Variants in KRT6C observed in about 807,000 individuals in gnomAD.
KRT6C encodes the protein keratin, type II cytoskeletal 6C.
Under a neutral mutation model 49.4 loss-of-function variants are expected in KRT6C, and 46 were observed. That is an observed-to-expected ratio of 0.93 (90% CI 0.74 to 1.19). KRT6C has a LOEUF of 1.19. Among genes scored for constraint, KRT6C ranks in the 50% most tolerant of loss-of-function variants. KRT6C has a pLI of 0.00. For missense variants in KRT6C, 552 were observed against 737.5 expected, an observed-to-expected ratio of 0.75 and a Z score of 2.91; for synonymous variants, 236 against 297.1, an observed-to-expected ratio of 0.79 and a Z score of 2.12.
Position 52,473,746 on chromosome 12 carries a change from G to A in KRT6C, c.-9C>T. 1 of 1,614,114 alleles carries A rather than the reference G, an allele frequency of 6.2e-7. No individual in the cohort carries two copies. Among genetic ancestry groups the A allele is most frequent in the Non-Finnish European group, 8.5e-7 (1 of 1,180,038 alleles). On this transcript the variant is annotated 5_prime_UTR_variant, in exon 1 of 9. Transcript: ENST00000252250. ...GTGGATGTGCTGGCCATGGTTCCAG[G>A]AGATGAGAGGGCTGTGGCGAGCGTT...
chr12:52,471,457 T>C lies in KRT6C; in HGVS notation c.876A>G (p.Thr292=), dbSNP rs374128835. 1 of 1,613,970 alleles carries C rather than the reference T, an allele frequency of 6.2e-7. No homozygotes were observed. Among genetic ancestry groups the C allele is most frequent in the Non-Finnish European group, 8.5e-7 (1 of 1,179,888 alleles). ...AGGCTCTCAGGAAGTTGATCTCATC[T>C]GTGAGAGTGTCTGCCTTGGCTTGCA... ...VELQAKADTL[T]DEINFLRALY... Residue 292 remains threonine, a synonymous_variant, in exon 4 of 9, where the codon ACA becomes ACG. Transcript: ENST00000252250.
rs1409559573 is a variant in KRT6C, at chr12:52,473,452, C to G, written c.286G>C (p.Ala96Pro). 2.2e-6 allele frequency: 3 copies of G among 1,390,728 alleles called. No individual in the cohort carries two copies. The highest frequency in any genetic ancestry group is 4.1e-5 in the Admixed American group (2 of 48,606). The allele number at this position is 1,390,728 out of a possible 1,614,324, so 86.1% of individuals were successfully genotyped here. The change falls in exon 1 of 9, where the codon GCC (alanine) becomes CCC (proline). Residue 96 changes from alanine to proline, a missense_variant. By Grantham distance (27) the Ala-to-Pro change is conservative. Transcript: ENST00000252250. ...RAGGSYGFGG[A>P]GSGFGFGGGA... ...CCACCGAAACCAAATCCACTCCCGG[C>G]GCCACCAAAGCCATAGCTGCCTCCG...
rs1937820527 is a variant in KRT6C at position 52,468,956 on chromosome 12, G to T, written c.*106C>A. ...CATCCATACCCAGCTCTACCTCGGA[G>T]AGCAGGGAAGACTAGAGGCCAGGAG... On this transcript the variant is annotated 3_prime_UTR_variant, in exon 9 of 9. Coordinates refer to ENST00000252250, the MANE Select transcript of KRT6C (RefSeq NM_173086.5). 6.9e-7 allele frequency: 1 copy of T among 1,441,448 alleles called. No individual in the cohort carries two copies. The highest frequency in any genetic ancestry group is 1.8e-5 in the Admixed American group (1 of 55,644). 89.3% of individuals were successfully genotyped at this position (1,441,448 alleles called of 1,614,324 possible). A position where few individuals can be genotyped will look rare whatever the true frequency, so the allele number is the denominator to read the frequency against.
rs1937843259 is a variant in KRT6C at position 52,469,874 on chromosome 12, G to A, written c.1220C>T (p.Ala407Val). ...ACGCTGCTCAGCATCAGCAATGGCA[G>A]CCTGCAGGCTGGCACACTAGGAGGG... Reference protein sequence around the residue: ...HVKKQCASLQAAIADAEQRGE... With the variant: ...HVKKQCASLQVAIADAEQRGE... The change falls in exon 7 of 9, where the codon GCT becomes GTT. Residue 407 changes from alanine to valine, a missense_variant. Ala to Val is a moderately conservative substitution (Grantham distance 64). Transcript: ENST00000252250. The A allele has an allele frequency of 6.2e-7, 1 of 1,614,126 alleles. No homozygotes were observed. The highest frequency in any genetic ancestry group is 1.3e-5 in the African/African-American group (1 of 75,040).
At position 52,470,983 on chromosome 12, in the gene KRT6C, C is replaced by T. The variant is rs116566654; in HGVS notation, c.1077+149G>A. 1.1e-4 allele frequency: 159 copies of T among 1,420,808 alleles called. No individual in the cohort carries two copies. The African/African-American group carries it at 1.6e-3, about 14-fold the overall frequency. The allele number at this position is 1,420,808 out of a possible 1,614,324, so 88.0% of individuals were successfully genotyped here. A position where few individuals can be genotyped will look rare whatever the true frequency, so the allele number is the denominator to read the frequency against. ...TCCTCCTTGACTTGCACATAAGTTC[C>T]CCAAATGTCTACTCTAATAGTGCAG... On this transcript the variant is annotated intron_variant, in intron 5 of 8. Coordinates refer to ENST00000252250, the MANE Select transcript of KRT6C (RefSeq NM_173086.5).
intron 5 of KRT6C, 44 bp downstream of exon 5, chr12:52,471,088 G>C (rs1268462792): frequency 1.2e-6 from 2 of 1,614,040 alleles, no homozygotes; most frequent in Non-Finnish European, 1.7e-6. Flanking sequence ...GGTATTCCAG[G>C]ATGGACACAA....
rs1297323837 is a variant in KRT6C, at chr12:52,472,685, T to C, written c.541-405A>G. On this transcript the variant is annotated intron_variant, in intron 1 of 8. Coordinates refer to ENST00000252250, the MANE Select transcript of KRT6C (RefSeq NM_173086.5). ...GATTACATTTCAGTCTACTTTCCCA[T>C]TTAGTGTCTCCTCTCAAATATTCTG... is the stretch of plus-strand genomic sequence containing the variant. 1.5e-5 allele frequency among the ~76,000 whole-genome samples: 2 copies of C among 135,836 alleles called. 1 individual carries two copies. 89.1% of individuals were successfully genotyped at this position (135,836 alleles called of 152,430 possible).
At chr12:52,471,867 A>G in intron 2 of KRT6C, 135 bp from the exon 3 acceptor site, 1 of 1,375,852 alleles carries the variant, frequency 7.3e-7, no homozygotes, top group Non-Finnish European at 1.0e-6. Flanking sequence ...CAAAGAGATG[A>G]GTTTTGCTAC....
rs1298775727 is a variant in KRT6C, at chr12:52,471,701, C to A, written c.787G>T (p.Ala263Ser). ...TTCAGAGTCACAAATTCATTCTCTGCTGCTGTGCGCTTGTTGATTTCATCC... is the reference window on the plus strand; with the variant it reads ...TTCAGAGTCACAAATTCATTCTCTGATGCTGTGCGCTTGTTGATTTCATCC... Reference protein sequence around the residue: ...YEDEINKRTAAENEFVTLKKD... With the variant: ...YEDEINKRTASENEFVTLKKD... The change falls in exon 3 of 9, where the codon GCA (alanine) becomes TCA (serine). Residue 263 changes from alanine (A) to serine (S), a missense_variant. By Grantham distance (99) the Ala-to-Ser change is moderately conservative. Coordinates refer to ENST00000252250, the MANE Select transcript of KRT6C (RefSeq NM_173086.5). 4 of 1,613,570 alleles carry A rather than the reference C, an allele frequency of 2.5e-6. No individual in the cohort carries two copies. The South Asian group carries it at 4.4e-5, about 18-fold the overall frequency.
chr12:52,469,144 C>T lies in KRT6C; in HGVS notation c.1613G>A (p.Gly538Asp). Reference sequence around the variant, plus strand: ...ACTGCCGCCTCCAACAGAGCTGAGGCCACCCCCAATGGCTCTGCCACTGCT... The same window carrying T: ...ACTGCCGCCTCCAACAGAGCTGAGGTCACCCCCAATGGCTCTGCCACTGCT... Reference protein sequence around the residue: ...SSSSGRAIGGGLSSVGGGSST... With the variant: ...SSSSGRAIGGDLSSVGGGSST... Residue 538 changes from glycine (G) to aspartate (D), a missense_variant, in exon 9 of 9, where the codon GGC becomes GAC. This residue lies in a region of KRT6C where 425 missense variants were observed against 439.4 expected (regional missense o/e 0.97). Coordinates refer to ENST00000252250, the MANE Select transcript of KRT6C (RefSeq NM_173086.5). 6.2e-7 allele frequency: 1 copy of T among 1,614,032 alleles called. No individual in the cohort carries two copies. The highest frequency in any genetic ancestry group is 8.5e-7 in the Non-Finnish European group (1 of 1,179,906).
In KRT6C at chr12:52,469,285, G is replaced by T. The variant is rs1359953482; in HGVS notation, c.1472C>A (p.Ser491Tyr). The T allele has an allele frequency of 6.2e-7, 1 of 1,613,996 alleles. No individual in the cohort carries two copies. Among genetic ancestry groups the T allele is most frequent in the South Asian group, 1.1e-5 (1 of 91,074 alleles). The change falls in exon 9 of 9, where the codon TCC (serine) becomes TAC (tyrosine). Residue 491 changes from serine to tyrosine, a missense_variant. This residue lies in a region of KRT6C where 425 missense variants were observed against 439.4 expected (regional missense o/e 0.97). Transcript: ENST00000252250. ...ACCGCCATAGCCACTGGAGATGGTG[G>T]ACTGTACTACAGCTGTGGTGGGGAG... is the stretch of plus-strand genomic sequence containing the variant. ...VGQVNVSVVQ[S>Y]TISSGYGGAS...
rs372187804 is a variant in KRT6C, at chr12:52,473,261, C to T, written c.477G>A (p.Val159=). The part of the protein sequence containing the change: ...NLQIDPAIQR[V]RAEEREQIKT... Reference sequence around the variant, plus strand: ...TGATCTGCTCACGCTCCTCGGCCCGCACCCGCTGGATGGCGGGGTCAATTT... The same window carrying T: ...TGATCTGCTCACGCTCCTCGGCCCGTACCCGCTGGATGGCGGGGTCAATTT... Residue 159 remains valine (V), a synonymous_variant, in exon 1 of 9, where the codon GTG becomes GTA. Coordinates refer to ENST00000252250, the MANE Select transcript of KRT6C (RefSeq NM_173086.5). The T allele has an allele frequency of 2.2e-5, 34 of 1,548,550 alleles. No individual in the cohort carries two copies. The highest frequency in any genetic ancestry group is 3.0e-5 in the Non-Finnish European group (34 of 1,130,014).
At position 52,470,649 on chromosome 12, in the gene KRT6C, G is replaced by C. The variant is rs375165852; in HGVS notation, c.1078-19C>G. 1.8e-5 allele frequency: 29 copies of C among 1,613,818 alleles called. No homozygotes were observed. Among genetic ancestry groups the C allele is most frequent in the Non-Finnish European group, 2.4e-5 (28 of 1,179,886 alleles). ...CCTCGTACTGCAGCCCAGAGGTGGA[G>C]AGAGAGACAGTGTCTACGGGTTCTT... On this transcript the variant is annotated intron_variant, in intron 5 of 8. Coordinates refer to ENST00000252250, the MANE Select transcript of KRT6C (RefSeq NM_173086.5).
Position 52,472,149 on chromosome 12 carries a change from C to T in KRT6C, c.672G>A (p.Gln224=). 6.6e-7 allele frequency: 1 copy of T among 1,523,160 alleles called. No individual in the cohort carries two copies. The highest frequency in any genetic ancestry group is 1.7e-5 in the Admixed American group (1 of 58,060). 94.4% of individuals were successfully genotyped at this position (1,523,160 alleles called of 1,614,324 possible). A position where few individuals can be genotyped will look rare whatever the true frequency, so the allele number is the denominator to read the frequency against. Residue 224 remains glutamine (Q), a synonymous_variant, in exon 2 of 9, where the codon CAG becomes CAA. Transcript: ENST00000252250. ...CCCGTTCCCCGACGATGCTGTCCAG[C>T]TGCCTCCTGAGGTTGTTGATGTACT... ...FEQYINNLRR[Q]LDSIVGERGR... is the part of the protein sequence containing the mutation.
At position 52,469,263 on chromosome 12, in the gene KRT6C, G is replaced by A. The variant is rs371711981; in HGVS notation, c.1494C>T (p.Gly498=). The change falls in exon 9 of 9, where the codon GGC becomes GGT. Residue 498 remains glycine (G), a synonymous_variant. Transcript: ENST00000252250. The stretch of plus-strand genomic sequence containing the variant: ...AGCCACTGCCGACACCGCTGGCACC[G>A]CCATAGCCACTGGAGATGGTGGACT... ...VVQSTISSGY[G]GASGVGSGLG... is the part of the protein sequence containing the mutation. 5.6e-6 allele frequency: 9 copies of A among 1,613,830 alleles called. No homozygotes were observed. The highest frequency in any genetic ancestry group is 1.6e-4 in the Middle Eastern group (1 of 6,078).
Position 52,469,431 on chromosome 12 carries a change from C to G in KRT6C, c.1439G>C (p.Gly480Ala), listed in dbSNP as rs1311389650. 12 of 1,613,832 alleles carry G rather than the reference C, an allele frequency of 7.4e-6. No homozygotes were observed. The highest frequency in any genetic ancestry group is 9.3e-6 in the Non-Finnish European group (11 of 1,179,874). ...CTTACAGACGTTGACTTGTCCAACG[C>G]CTTCGCCATTCAGCCTGTGGAGAGG... ...EGEECRLNGE[G>A]VGQVNVSVVQ... Residue 480 changes from glycine (G) to alanine (A), a missense_variant, in exon 8 of 9, where the codon GGC (glycine) becomes GCC (alanine). Transcript: ENST00000252250.
chr12:52,470,037 A>G (rs1937846550), intron 6 of KRT6C, 147 bp from the exon 7 acceptor site: 1 of 978,084 alleles, frequency 1.0e-6, no homozygotes, highest in Non-Finnish European at 1.6e-6. Context: ...ATTTGGCAAT[A>G]TTTGTCTAGT....
chr12:52,470,472 G>T (rs768301253), intron 6 of KRT6C, 33 bp downstream of exon 6: 5 of 1,613,982 alleles, frequency 3.1e-6, no homozygotes, highest in Admixed American at 1.7e-5. Context: ...AGCAAAAAAT[G>T]ATGCTTCTTT....
In KRT6C at chr12:52,469,941, G is replaced by T. The variant is rs111701996; in HGVS notation, c.1204-51C>A. ...ACTTCTTGTCTGCTCCTCCGGAGGA[G>T]GCTGGCCCTTGTTTAGTGAACCAGG... On this transcript the variant is annotated intron_variant, in intron 6 of 8. Transcript: ENST00000252250. 7.3e-4 allele frequency: 1,180 copies of T among 1,607,264 alleles called. 10 individuals are homozygous for T. The African/African-American group carries it at 0.014, about 20-fold the overall frequency.
Sources: gnomAD v4.1 joint callset for allele counts (sites outside exome capture counted in the v4.1 genomes callset) on GRCh38, gnomAD v4.1.1 for gene constraint, gnomAD v4.1.1 regional missense constraint, MANE v1.5 for transcripts, NCBI Gene and HGNC (gene_info 2026-07-23, HGNC 2026-07-21) for gene names.